Variants in NR4A3 observed in about 807,000 individuals in gnomAD.
NR4A3 encodes nuclear receptor subfamily 4 group A member 3, also known as chondrosarcoma, extraskeletal myxoid, fused to EWS.
Under a neutral mutation model 55.6 loss-of-function variants are expected in NR4A3, and 13 were observed. The observed-to-expected ratio is 0.23, with a 90% confidence interval of 0.15 to 0.37. The LOEUF (loss-of-function observed/expected upper bound fraction) is 0.37, where lower values mean the gene tolerates loss of function less well. Among genes scored for constraint, NR4A3 ranks in the 10% least tolerant of loss-of-function variants. The pLI, the probability that NR4A3 is intolerant of heterozygous loss-of-function variation, is 1.00. For missense variants in NR4A3, 646 were observed against 822.8 expected (o/e 0.79, Z 2.63); for synonymous variants, 342 against 357.9 (o/e 0.96, Z 0.50).
intron 5 of NR4A3, among the ~76,000 whole-genome samples, chr9:99,835,646 A>T (rs576998010): frequency 1.3e-5 from 2 of 152,284 alleles, no homozygotes; most frequent in South Asian, 4.1e-4. Context: ...CTCAAAAGTA[A>T]TTTTTTGGCC....
chr9:99,862,403 G>A (rs1315184563), intron 7 of NR4A3, among the ~76,000 whole-genome samples: 1 of 151,658 alleles, frequency 6.6e-6, no homozygotes, highest in African/African-American at 2.4e-5. Context: ...AAATTAGCTG[G>A]GCATGGTGGT....
In NR4A3 at chr9:99,832,827, A is replaced by C; in HGVS notation, c.1081+9A>C. 6.5e-7 allele frequency: 1 copy of C among 1,537,444 alleles called. No homozygotes were observed. Among genetic ancestry groups the C allele is most frequent in the Non-Finnish European group, 8.8e-7 (1 of 1,133,096 alleles). The stretch of plus-strand genomic sequence containing the variant: ...TGGAATGGTAAAAGAAGGTATGGAT[A>C]TAATGCTTTTTACCCAGTTTGCTTA... On this transcript the variant is annotated intron_variant, in intron 4 of 7. Coordinates refer to ENST00000395097, the MANE Select transcript of NR4A3 (RefSeq NM_006981.4).
rs144506317 is a variant in NR4A3, at chr9:99,841,606, A to C, written c.1255-3043A>C. Among the ~76,000 whole-genome samples the C allele has an allele frequency of 1.0e-3, 157 of 152,302 alleles. 1 individual carries two copies. The East Asian group carries it at 0.022, about 21-fold the overall frequency. On this transcript the variant is annotated intron_variant, in intron 5 of 7. Transcript: ENST00000395097. Reference sequence around the variant, plus strand: ...GCCCTTTACATATGTTATCACATTTAATCATCACAGCAAAATTTTGAGGAA... The same window carrying C: ...GCCCTTTACATATGTTATCACATTTCATCATCACAGCAAAATTTTGAGGAA...
intron 3 of NR4A3, among the ~76,000 whole-genome samples, chr9:99,830,313 C>T (rs898593346): frequency 1.3e-5 from 2 of 152,136 alleles, no homozygotes; most frequent in Non-Finnish European, 2.9e-5. Context: ...AAGCCTGTTT[C>T]CCTATCAATG....
At chr9:99,852,924 A>G (rs1827875052) in intron 7 of NR4A3, among the ~76,000 whole-genome samples, 2 of 152,246 alleles carry the variant, frequency 1.3e-5, no homozygotes, top group African/African-American at 4.8e-5. Flanking sequence ...TAAAGCCATC[A>G]GCTACATTGC....
At chr9:99,830,290 G>A (rs1383016584) in intron 3 of NR4A3, among the ~76,000 whole-genome samples, 1 of 152,182 alleles carries the variant, frequency 6.6e-6, no homozygotes, top group Non-Finnish European at 1.5e-5. Flanking sequence ...TGTTGGGCAT[G>A]ACACTTCATT....
chr9:99,839,531 G>A (rs186477091), intron 5 of NR4A3, among the ~76,000 whole-genome samples: 1 of 152,318 alleles, frequency 6.6e-6, no homozygotes, highest in Admixed American at 6.5e-5. Context: ...TATTGCTGAA[G>A]TCTGACTTGT....
intron 7 of NR4A3, among the ~76,000 whole-genome samples, chr9:99,852,998 G>A (rs937551791): frequency 6.6e-6 from 1 of 152,124 alleles, no homozygotes; most frequent in African/African-American, 2.4e-5. Context: ...GTGGGAGAGG[G>A]GAGAGGCCAC....
In NR4A3 at chr9:99,828,256, A is replaced by C. The variant is rs1267882410; in HGVS notation, c.214A>C (p.Lys72Gln). ...VEGYSSNYEL[K>Q]PSCVYQMQRP... Reference sequence around the variant, plus strand: ...GGGCTACTCGAGCAACTACGAACTCAAGCCTTCCTGCGTGTACCAAATGCA... The same window carrying C: ...GGGCTACTCGAGCAACTACGAACTCCAGCCTTCCTGCGTGTACCAAATGCA... The change falls in exon 3 of 8, where the codon AAG (lysine) becomes CAG (glutamine). Residue 72 changes from lysine (K) to glutamine (Q), a missense_variant. This residue lies in a region of NR4A3 where 426 missense variants were observed against 429.4 expected (regional missense o/e 0.99). Transcript: ENST00000395097. The surrounding 1 kb of genome is among the most constrained non-coding windows in gnomAD (Gnocchi z 7.7). The C allele has an allele frequency of 6.2e-7, 1 of 1,613,966 alleles. No homozygotes were observed. The highest frequency in any genetic ancestry group is 8.5e-7 in the Non-Finnish European group (1 of 1,179,980).
intron 6 of NR4A3, among the ~76,000 whole-genome samples, chr9:99,847,203 C>G (rs1305503299): frequency 6.6e-6 from 1 of 152,160 alleles, no homozygotes; most frequent in Non-Finnish European, 1.5e-5. Context: ...TGCCACAGCC[C>G]ATATCTTCCC....
At chr9:99,863,504 A>G in intron 7 of NR4A3, 116 bp from the exon 8 acceptor site, 1 of 1,295,686 alleles carries the variant, frequency 7.7e-7, no homozygotes. Context: ...GGGCACTTTG[A>G]TTGCAAAGAA....
chr9:99,859,670 T>C (rs1387620100), intron 7 of NR4A3, among the ~76,000 whole-genome samples: 1 of 152,194 alleles, frequency 6.6e-6, no homozygotes, highest in East Asian at 1.9e-4. Flanking sequence ...CAGTCGCAAC[T>C]GGTTGGAGAG....
intron 5 of NR4A3, among the ~76,000 whole-genome samples, chr9:99,836,923 C>T (rs554102150): frequency 1.3e-5 from 2 of 152,158 alleles, no homozygotes; most frequent in South Asian, 2.1e-4. Context: ...GATGATATGT[C>T]CTTGTGGTTT....
At position 99,828,333 on chromosome 9, in the gene NR4A3, TCACCACCACCAC is replaced by T. The variant is rs753648433; in HGVS notation, c.309_320del (p.His105_His108del). The T allele has an allele frequency of 9.3e-6, 15 of 1,604,942 alleles. No individual in the cohort carries two copies. Among genetic ancestry groups the T allele is most frequent in the Middle Eastern group, 1.7e-4 (1 of 6,058 alleles). On this transcript the variant is annotated inframe_deletion, in exon 3 of 8. Coordinates refer to ENST00000395097, the MANE Select transcript of NR4A3 (RefSeq NM_006981.4). This position sits in a 1 kb window ranked among gnomAD's most constrained non-coding sequence, Gnocchi z 7.7. The stretch of plus-strand genomic sequence containing the variant: ...GGCGGGCGCCCAGCTACCATCACCA[TCACCACCACCAC>T]CACCACCACCACCACCATCACCAGC...
intron 5 of NR4A3, among the ~76,000 whole-genome samples, chr9:99,840,732 C>T (rs1050243354): frequency 2.4e-4 from 36 of 152,152 alleles, no homozygotes; most frequent in African/African-American, 8.2e-4. Flanking sequence ...GACCCCATGA[C>T]CTGCTGCTTG....
chr9:99,846,268 A>G (rs1180219697), intron 6 of NR4A3, among the ~76,000 whole-genome samples: 1 of 152,216 alleles, frequency 6.6e-6, no homozygotes, highest in African/African-American at 2.4e-5. Context: ...TATACCCAAT[A>G]TTTGTCGAAC....
intron 7 of NR4A3, among the ~76,000 whole-genome samples, chr9:99,858,215 A>G (rs1472173450): frequency 6.6e-6 from 1 of 152,210 alleles, no homozygotes; most frequent in Non-Finnish European, 1.5e-5. Context: ...TTCCTTCAAG[A>G]AATATTTGAT....
At chr9:99,855,713 G>A (rs545057101) in intron 7 of NR4A3, among the ~76,000 whole-genome samples, 1 of 152,360 alleles carries the variant, frequency 6.6e-6, no homozygotes, top group Non-Finnish European at 1.5e-5. Flanking sequence ...ATGAGTGATA[G>A]CAATAAGGTG....
chr9:99,857,079 A>C (rs941653023), intron 7 of NR4A3, among the ~76,000 whole-genome samples: 2 of 152,228 alleles, frequency 1.3e-5, no homozygotes, highest in South Asian at 4.1e-4. Flanking sequence ...CTATTAAAAT[A>C]ATCTAGATAG....
Sources: gnomAD v4.1 joint callset for allele counts (sites outside exome capture counted in the v4.1 genomes callset) on GRCh38, gnomAD v4.1.1 for gene constraint, gnomAD v4.1.1 regional missense constraint, Gnocchi (gnomAD v3.1) non-coding constraint, MANE v1.5 for transcripts, NCBI Gene and HGNC (gene_info 2026-07-23, HGNC 2026-07-21) for gene names.